The following PCCB variants were observed in gnomAD, a reference collection of about 807,000 sequenced individuals.
PCCB encodes propionyl-CoA carboxylase subunit beta, also known as propionyl-CoA carboxylase beta chain, mitochondrial.
PCCB carries 43 observed loss-of-function variants against 60.7 expected under a neutral mutation model. That is an observed-to-expected ratio of 0.71 (90% CI 0.55 to 0.91). The LOEUF (loss-of-function observed/expected upper bound fraction) is 0.91, where lower values mean the gene tolerates loss of function less well. Among genes scored for constraint, PCCB ranks in the 40% least tolerant of loss-of-function variants. The pLI is 0.00. For synonymous variants in PCCB, 276 were observed against 255.9 expected (o/e 1.08, Z -0.75); for missense variants, 766 against 702.8 (o/e 1.09, Z -1.02).
chr3:136,299,542 ATAGGTATGCATG>A (rs1934119776), intron 8 of PCCB, among the ~76,000 whole-genome samples: 1 of 125,250 alleles, frequency 8.0e-6, no homozygotes, highest in African/African-American at 3.6e-5. Flanking sequence ...ATGCATGTGT[ATAGGTATGCATG>A]TGTATGTATG....
At chr3:136,316,746 C>A (rs1473737000) in intron 9 of PCCB, among the ~76,000 whole-genome samples, 195 bp from the exon 10 acceptor site, 3 of 152,054 alleles carry the variant, frequency 2.0e-5, no homozygotes, top group Non-Finnish European at 4.4e-5. Context: ...TTGAGGTTTT[C>A]CACACCATTT....
chr3:136,267,073 T>G (rs1368020013), intron 5 of PCCB, among the ~76,000 whole-genome samples: 2 of 152,000 alleles, frequency 1.3e-5, no homozygotes, highest in Non-Finnish European at 2.9e-5. Flanking sequence ...TTAGTAGAGA[T>G]AGGGTTTCAC....
intron 4 of PCCB, 45 bp from the exon 5 acceptor site, chr3:136,261,907 T>C (rs758010994): frequency 2.3e-6 from 3 of 1,314,810 alleles, no homozygotes; most frequent in Non-Finnish European, 3.2e-6. Flanking sequence ...TCGTTTTTTA[T>C]ATCAAGAACA....
intron 7 of PCCB, among the ~76,000 whole-genome samples, chr3:136,296,925 A>G (rs1933965686): frequency 6.6e-6 from 1 of 152,258 alleles, no homozygotes; most frequent in Admixed American, 6.5e-5. Flanking sequence ...AACAAAAGAA[A>G]GACACCTGCC....
intron 6 of PCCB, among the ~76,000 whole-genome samples, chr3:136,285,771 A>G (rs1933373721): frequency 6.6e-6 from 1 of 152,062 alleles, no homozygotes; most frequent in Non-Finnish European, 1.5e-5. Context: ...TTCTCTTTTA[A>G]TTCTGTGTTT....
intron 5 of PCCB, among the ~76,000 whole-genome samples, chr3:136,269,108 C>G (rs1165277153): frequency 6.6e-6 from 1 of 152,094 alleles, no homozygotes; most frequent in Non-Finnish European, 1.5e-5. Flanking sequence ...TAGTGAAACC[C>G]TGTCTCTACT....
At chr3:136,278,115 A>G (rs1942381098) in intron 5 of PCCB, among the ~76,000 whole-genome samples, 1 of 152,166 alleles carries the variant, frequency 6.6e-6, no homozygotes, top group Non-Finnish European at 1.5e-5. Context: ...TCTGCACTGG[A>G]GACTGGGAAT....
chr3:136,326,287 T>G, intron 10 of PCCB: 3 of 700,582 alleles, frequency 4.3e-6, no homozygotes, highest in Non-Finnish European at 7.8e-6. Context: ...GAGGGGAGAT[T>G]TACTAGTAAT....
At chr3:136,304,799 C>G (rs577034725) in intron 9 of PCCB, among the ~76,000 whole-genome samples, 1 of 120,328 alleles carries the variant, frequency 8.3e-6, no homozygotes, top group Non-Finnish European at 1.8e-5. Flanking sequence ...TCAAGTGATT[C>G]TCCTGCCTCA....
At chr3:136,284,111 T>C (rs1933237177) in intron 6 of PCCB, among the ~76,000 whole-genome samples, 164 bp downstream of exon 6, 1 of 152,218 alleles carries the variant, frequency 6.6e-6, no homozygotes, top group South Asian at 2.1e-4. Context: ...TGGCATGAAA[T>C]CTGTAGCTTG....
intron 6 of PCCB, among the ~76,000 whole-genome samples, chr3:136,286,017 A>G (rs1220675681): frequency 5.3e-5 from 8 of 152,238 alleles, no homozygotes; most frequent in African/African-American, 1.7e-4. Flanking sequence ...TAAACATTCT[A>G]TGAAAGTAGT....
chr3:136,295,454 G>A (rs988966417), intron 7 of PCCB, among the ~76,000 whole-genome samples: 1 of 152,134 alleles, frequency 6.6e-6, no homozygotes, highest in Non-Finnish European at 1.5e-5. Context: ...GCATCATTTA[G>A]CCCCATCTTT....
chr3:136,308,552 G>A (rs1934533725), intron 9 of PCCB, among the ~76,000 whole-genome samples: 1 of 152,312 alleles, frequency 6.6e-6, no homozygotes, highest in Non-Finnish European at 1.5e-5. Flanking sequence ...ATGGACAAAA[G>A]TAATAATTTA....
chr3:136,252,523 A>G, intron 1 of PCCB: 1 of 326,350 alleles, frequency 3.1e-6, no homozygotes, highest in Non-Finnish European at 6.0e-6. Context: ...CTGGGATGAC[A>G]GAATTTTTTT....
rs775738106 is a variant in PCCB at position 136,250,521 on chromosome 3, G to A, written c.146G>A (p.Gly49Glu). The A allele has an allele frequency of 6.2e-7, 1 of 1,613,088 alleles. No individual in the cohort carries two copies. The highest frequency in any genetic ancestry group is 1.1e-5 in the South Asian group (1 of 91,026). The stretch of plus-strand genomic sequence containing the variant: ...AACAAGCGCCGGACCGCGCTGCTGG[G>A]AGGGGGCCAACGCCGTATTGACGCG... ...IENKRRTALL[G>E]GGQRRIDAQH... Residue 49 changes from glycine (G) to glutamate (E), a missense_variant, in exon 1 of 15, where the codon GGA (glycine) becomes GAA (glutamate). Transcript: ENST00000251654.
intron 6 of PCCB, 63 bp from the exon 7 acceptor site, chr3:136,293,693 C>T (rs777934224): frequency 2.3e-5 from 23 of 1,018,644 alleles, no homozygotes; most frequent in Non-Finnish European, 3.1e-5. Context: ...GCTGAATCAA[C>T]TCTAAGGCTG....
intron 10 of PCCB, 148 bp downstream of exon 10, chr3:136,317,212 AT>A (rs397694948): frequency 0.029 from 7,517 of 255,622 alleles, 21 homozygotes; most frequent in African/African-American, 0.076. Flanking sequence ...ATAAAAGCTA[AT>A]TTTTTTTTTT....
intron 9 of PCCB, among the ~76,000 whole-genome samples, chr3:136,310,317 C>T (rs1182314226): frequency 1.3e-5 from 2 of 151,110 alleles, no homozygotes; most frequent in Middle Eastern, 3.5e-3. Context: ...GAGCCAAGAT[C>T]GTGCCATTGC....
Position 136,310,422 on chromosome 3 carries a change from C to G in PCCB, c.967-6519C>G, listed in dbSNP as rs183829537. On this transcript the variant is annotated intron_variant, in intron 9 of 14. Coordinates refer to ENST00000251654, the MANE Select transcript of PCCB (RefSeq NM_000532.5). ...CCTGTAGTCCCAGCTACTGGGGAGG[C>G]CAAGGTGGGAGTTCACTTGAGCCCA... is the stretch of plus-strand genomic sequence containing the variant. Among the ~76,000 whole-genome samples, 800 of 151,636 alleles carry G rather than the reference C, an allele frequency of 5.3e-3. 4 individuals are homozygous for G. The highest frequency in any genetic ancestry group is 8.0e-3 in the Non-Finnish European group (541 of 67,960).
Sources: allele counts gnomAD v4.1 joint callset (sites outside exome capture counted in the v4.1 genomes callset), GRCh38; gene constraint gnomAD v4.1.1; transcripts MANE v1.5; gene names NCBI Gene and HGNC (gene_info 2026-07-23, HGNC 2026-07-21).